ALK: variants seen among roughly 807,000 people sequenced by gnomAD.
ALK encodes ALK receptor tyrosine kinase.
In ALK, 74 loss-of-function variants were observed where a neutral mutation model predicts 163.1. That is an observed-to-expected ratio of 0.45 (90% confidence interval 0.38 to 0.55). The LOEUF (loss-of-function observed/expected upper bound fraction) is 0.55. Ranked by LOEUF, ALK falls within the 20% of genes least tolerant of loss-of-function variation. The probability of loss-of-function intolerance (pLI) is 0.00; values close to 1 mark genes in which losing one functional copy is unlikely to be tolerated. For synonymous variants in ALK, 960 were observed against 843.2 expected (o/e 1.14, Z -2.40); for missense variants, 2,063 against 2,105.3 (o/e 0.98, Z 0.39).
intron 1 of ALK, among the ~76,000 whole-genome samples, chr2:29,795,456 T>A: frequency 6.6e-6 from 1 of 152,164 alleles, no homozygotes; most frequent in Admixed American, 6.5e-5. Context: ...TTTGACCCAG[T>A]AATTTAACTC....
At chr2:29,712,096 C>T (rs113935251) in intron 2 of ALK, among the ~76,000 whole-genome samples, 2 of 152,160 alleles carry the variant, frequency 1.3e-5, no homozygotes, top group African/African-American at 2.4e-5. Context: ...TGTCTCTCCT[C>T]GAAACACCTA....
At chr2:29,693,681 C>T (rs1485966201) in intron 3 of ALK, among the ~76,000 whole-genome samples, 1 of 152,200 alleles carries the variant, frequency 6.6e-6, no homozygotes, top group African/African-American at 2.4e-5. Context: ...CAAGACCTGA[C>T]CTGTTAGGCT....
chr2:29,227,444 G>A lies in ALK; in HGVS notation c.2914+130C>T, dbSNP rs754536912. Reference sequence around the variant, plus strand: ...GGAAAATGTGGTGACCTGCGCCATAGGAAGCTTGCCTGCCAGGGACCCATA... The same window carrying A: ...GGAAAATGTGGTGACCTGCGCCATAAGAAGCTTGCCTGCCAGGGACCCATA... On this transcript the variant is annotated intron_variant, in intron 17 of 28. Transcript: ENST00000389048. This position sits in a 1 kb window ranked among gnomAD's most constrained non-coding sequence, Gnocchi z 4.4. The A allele has an allele frequency of 2.7e-5, 23 of 865,550 alleles. No homozygotes were observed. Among genetic ancestry groups the A allele is most frequent in the Non-Finnish European group, 4.6e-5 (23 of 502,546 alleles). 53.6% of individuals were successfully genotyped at this position (865,550 alleles called of 1,614,324 possible). A position where few individuals can be genotyped will look rare whatever the true frequency, so the allele number is the denominator to read the frequency against.
intron 1 of ALK, among the ~76,000 whole-genome samples, chr2:29,788,762 G>A (rs1303030389): frequency 2.6e-5 from 4 of 152,152 alleles, no homozygotes; most frequent in Non-Finnish European, 4.4e-5. Context: ...ACAACCTGGA[G>A]GGCTAAGGAA....
At chr2:29,707,027 G>GTGTGTA (rs1678931315) in intron 2 of ALK, among the ~76,000 whole-genome samples, 1 of 143,992 alleles carries the variant, frequency 6.9e-6, no homozygotes, top group East Asian at 2.0e-4. Flanking sequence ...GTGTGTGTGT[G>GTGTGTA]TGTTGGGTAA....
intron 1 of ALK, among the ~76,000 whole-genome samples, chr2:29,894,392 CT>C (rs1457093364): frequency 6.6e-6 from 1 of 152,072 alleles, no homozygotes; most frequent in African/African-American, 2.4e-5. Flanking sequence ...CTCTCTAAGC[CT>C]CTGTGAAATG....
chr2:29,568,897 G>C (rs565351899), intron 3 of ALK, among the ~76,000 whole-genome samples: 1 of 151,376 alleles, frequency 6.6e-6, no homozygotes, highest in East Asian at 2.0e-4. Context: ...TGACCCTTGT[G>C]TATGGTCTGT....
intron 4 of ALK, among the ~76,000 whole-genome samples, chr2:29,528,430 C>G (rs984752379): frequency 5.3e-5 from 8 of 152,228 alleles, no homozygotes; most frequent in African/African-American, 1.9e-4. Flanking sequence ...GGCTCCCTAG[C>G]CGGCTGCTTC....
At chr2:29,811,234 TC>T (rs35113318) in intron 1 of ALK, among the ~76,000 whole-genome samples, 2 of 151,380 alleles carry the variant, frequency 1.3e-5, no homozygotes, top group Non-Finnish European at 2.9e-5. Flanking sequence ...ACATTCTGAC[TC>T]CCCCCCTTTG....
rs1676966445 is a variant in ALK, at chr2:29,649,136, G to A, written c.952+45714C>T. The stretch of plus-strand genomic sequence containing the variant: ...TTTATAATTATATGATATTGTGTAT[G>A]CCTTTTATAGTGTGGGATTCAATTA... On this transcript the variant is annotated intron_variant, in intron 3 of 28. Coordinates refer to ENST00000389048, the MANE Select transcript of ALK (RefSeq NM_004304.5). 2.0e-5 allele frequency among the ~76,000 whole-genome samples: 3 copies of A among 151,758 alleles called. No homozygotes were observed. The South Asian group carries it at 6.2e-4, about 32-fold the overall frequency.
intron 15 of ALK, among the ~76,000 whole-genome samples, chr2:29,229,344 G>A (rs957076434): frequency 1.3e-5 from 2 of 152,208 alleles, no homozygotes; most frequent in Non-Finnish European, 2.9e-5. Flanking sequence ...TCAAAAGCAG[G>A]GGCTGTGCTT....
intron 1 of ALK, among the ~76,000 whole-genome samples, chr2:29,856,913 T>C (rs1421968557): frequency 6.6e-6 from 1 of 152,028 alleles, no homozygotes; most frequent in Non-Finnish European, 1.5e-5. Flanking sequence ...GTAATAGGAT[T>C]CTGTAATAGG....
chr2:29,209,975 T>C, intron 24 of ALK, 97 bp from the exon 25 acceptor site: 1 of 952,408 alleles, frequency 1.0e-6, no homozygotes, highest in Non-Finnish European at 1.7e-6. Context: ...GAAGTTTAAA[T>C]AGTTCCTTCC....
chr2:29,331,532 T>C (rs981513342), intron 5 of ALK, among the ~76,000 whole-genome samples: 9 of 152,224 alleles, frequency 5.9e-5, no homozygotes, highest in Admixed American at 5.9e-4. Context: ...AAATTCATTT[T>C]GCAGCTTTAA....
At chr2:29,443,013 T>C (rs11677039) in intron 4 of ALK, among the ~76,000 whole-genome samples, 15,658 of 152,240 alleles carry the variant, frequency 0.1, 1,109 homozygotes, top group Non-Finnish European at 0.16. Flanking sequence ...GCACGTCCTG[T>C]GTGTCCTGCT....
chr2:29,506,707 C>T (rs1164530367), intron 4 of ALK, among the ~76,000 whole-genome samples: 1 of 151,332 alleles, frequency 6.6e-6, no homozygotes, highest in Non-Finnish European at 1.5e-5. Flanking sequence ...GATTGTGCCA[C>T]TGCCCTCCAG....
At chr2:29,841,925 C>G (rs1665712254) in intron 1 of ALK, among the ~76,000 whole-genome samples, 1 of 152,162 alleles carries the variant, frequency 6.6e-6, no homozygotes, top group African/African-American at 2.4e-5. Context: ...CCATGGTACA[C>G]AGTGTAATGA....
At chr2:29,654,562 C>A (rs1330511243) in intron 3 of ALK, among the ~76,000 whole-genome samples, 10 of 152,074 alleles carry the variant, frequency 6.6e-5, no homozygotes, top group Non-Finnish European at 2.9e-5. Context: ...GGAGATCACC[C>A]TTTGAGGTTA....
At chr2:29,345,268 C>T (rs1032950727) in intron 5 of ALK, among the ~76,000 whole-genome samples, 2 of 151,814 alleles carry the variant, frequency 1.3e-5, no homozygotes, top group Non-Finnish European at 2.9e-5. Context: ...TGGTGGCACA[C>T]GTCTGTAGTC....
Sources: allele counts gnomAD v4.1 joint callset (sites outside exome capture counted in the v4.1 genomes callset), GRCh38; gene constraint gnomAD v4.1.1; non-coding constraint Gnocchi (gnomAD v3.1); transcripts MANE v1.5; gene names NCBI Gene and HGNC (gene_info 2026-07-23, HGNC 2026-07-21).